The following STXBP5L variants were observed in gnomAD, a reference collection of about 807,000 sequenced individuals.
STXBP5L encodes syntaxin-binding protein 5-like.
In STXBP5L, 65 loss-of-function variants were observed where a neutral mutation model predicts 144.5. That is an observed-to-expected ratio of 0.45 (90% CI 0.37 to 0.55). The LOEUF is 0.55. Among genes scored for constraint, STXBP5L ranks in the 20% least tolerant of loss-of-function variants. The pLI, the probability that STXBP5L is intolerant of heterozygous loss-of-function variation, is 0.00. For missense variants in STXBP5L, 1,298 were observed against 1,405.5 expected, an observed-to-expected ratio of 0.92 and a Z score of 1.22; for synonymous variants, 505 against 469.6, an observed-to-expected ratio of 1.08 and a Z score of -0.97.
intron 4 of STXBP5L, 94 bp downstream of exon 4, chr3:121,041,875 CTTAA>C: frequency 3.7e-6 from 3 of 805,748 alleles, no homozygotes; most frequent in Non-Finnish European, 6.3e-6. Context: ...ATTCTAAATG[CTTAA>C]ATATATATGC....
chr3:121,153,333 T>A (rs780703109), intron 8 of STXBP5L, among the ~76,000 whole-genome samples: 4 of 152,060 alleles, frequency 2.6e-5, no homozygotes, highest in Non-Finnish European at 5.9e-5. Flanking sequence ...CTTTTGTACC[T>A]GTGGAAACAA....
chr3:121,347,819 C>G (rs1560002874), intron 20 of STXBP5L, among the ~76,000 whole-genome samples: 3 of 152,154 alleles, frequency 2.0e-5, no homozygotes, highest in Admixed American at 1.3e-4. Flanking sequence ...TATCCTGAGA[C>G]TTTGCTGAAG....
At chr3:121,306,961 A>G (rs760098395) in intron 19 of STXBP5L, among the ~76,000 whole-genome samples, 1 of 152,178 alleles carries the variant, frequency 6.6e-6, no homozygotes. Context: ...GCTGTATATG[A>G]TATTAACAGA....
chr3:121,351,411 C>T (rs907548922), intron 20 of STXBP5L, among the ~76,000 whole-genome samples: 5 of 152,096 alleles, frequency 3.3e-5, no homozygotes, highest in Admixed American at 6.6e-5. Flanking sequence ...GGGTTAGGGA[C>T]CCACTTGAGG....
intron 9 of STXBP5L, among the ~76,000 whole-genome samples, chr3:121,201,783 G>T (rs116545598): frequency 6.6e-6 from 1 of 152,038 alleles, no homozygotes; most frequent in Non-Finnish European, 1.5e-5. Context: ...AGCTTAGCTT[G>T]GCTGGATATG....
At chr3:121,084,536 C>A (rs1022609741) in intron 5 of STXBP5L, among the ~76,000 whole-genome samples, 1 of 152,174 alleles carries the variant, frequency 6.6e-6, no homozygotes, top group Non-Finnish European at 1.5e-5. Flanking sequence ...AGGACGTGAT[C>A]TCATTCCTTT....
At chr3:121,120,170 T>C (rs2044395050) in intron 6 of STXBP5L, among the ~76,000 whole-genome samples, 1 of 151,280 alleles carries the variant, frequency 6.6e-6, no homozygotes, top group Non-Finnish European at 1.5e-5. Flanking sequence ...TAACTTATCG[T>C]AAAGTACACT....
intron 3 of STXBP5L, among the ~76,000 whole-genome samples, chr3:121,009,502 C>T (rs930303876): frequency 2.0e-5 from 3 of 152,008 alleles, no homozygotes; most frequent in Non-Finnish European, 4.4e-5. Context: ...TTTAACACAA[C>T]CACATCTGAA....
At chr3:121,354,660 G>T (rs2045435199) in intron 20 of STXBP5L, among the ~76,000 whole-genome samples, 1 of 151,886 alleles carries the variant, frequency 6.6e-6, no homozygotes, top group Non-Finnish European at 1.5e-5. Context: ...TTGCCAGTCT[G>T]TGTCTTAATT....
At chr3:120,929,870 T>TA (rs1469209449) in intron 2 of STXBP5L, among the ~76,000 whole-genome samples, 1 of 152,062 alleles carries the variant, frequency 6.6e-6, no homozygotes. Flanking sequence ...CCAGTATACT[T>TA]ACTAGTCAGT....
chr3:121,215,078 T>C (rs1188717874), intron 10 of STXBP5L, among the ~76,000 whole-genome samples: 1 of 152,152 alleles, frequency 6.6e-6, no homozygotes. Context: ...CATCCTTTTA[T>C]TGTTAGCCTA....
chr3:121,235,780 A>C (rs1478954520), intron 12 of STXBP5L, among the ~76,000 whole-genome samples: 1 of 151,724 alleles, frequency 6.6e-6, no homozygotes, highest in Admixed American at 6.6e-5. Context: ...TACTATCTGC[A>C]ACATTTCAGA....
At chr3:120,993,670 T>C (rs1016925141) in intron 3 of STXBP5L, among the ~76,000 whole-genome samples, 2 of 152,142 alleles carry the variant, frequency 1.3e-5, no homozygotes, top group African/African-American at 4.8e-5. Flanking sequence ...ATGTCTGTTT[T>C]TATATCCATA....
intron 3 of STXBP5L, among the ~76,000 whole-genome samples, chr3:121,025,428 T>C (rs1945858555): frequency 6.6e-6 from 1 of 152,104 alleles, no homozygotes; most frequent in African/African-American, 2.4e-5. Context: ...AATATAAATA[T>C]TATAATGCAA....
chr3:120,919,210 G>A (rs951032296), intron 2 of STXBP5L, among the ~76,000 whole-genome samples: 4 of 152,036 alleles, frequency 2.6e-5, no homozygotes, highest in African/African-American at 9.7e-5. Flanking sequence ...GATAGGATGA[G>A]ATTCAGTTTT....
chr3:120,963,402 G>T (rs1415402485), intron 3 of STXBP5L, among the ~76,000 whole-genome samples: 1 of 152,136 alleles, frequency 6.6e-6, no homozygotes, highest in Non-Finnish European at 1.5e-5. Context: ...GTATGATATT[G>T]GCAGTATGTC....
chr3:120,909,337 GGAATACT>G (rs1478014209), intron 1 of STXBP5L: 5 of 415,064 alleles, frequency 1.2e-5, no homozygotes, highest in Non-Finnish European at 2.1e-5. Context: ...GTGTGAGGAG[GGAATACT>G]GTTGCTTTTG....
chr3:121,330,789 G>T (rs1353037307), intron 20 of STXBP5L, among the ~76,000 whole-genome samples: 1 of 152,114 alleles, frequency 6.6e-6, no homozygotes, highest in African/African-American at 2.4e-5. Flanking sequence ...GCATCACCCT[G>T]GCCAACGGAG....
chr3:121,347,052 C>T (rs150178150), intron 20 of STXBP5L, among the ~76,000 whole-genome samples: 1 of 152,108 alleles, frequency 6.6e-6, no homozygotes, highest in East Asian at 1.9e-4. Flanking sequence ...AATGGTATTG[C>T]CTAGGTTTTC....
Sources: allele counts gnomAD v4.1 joint callset (sites outside exome capture counted in the v4.1 genomes callset), GRCh38; gene constraint gnomAD v4.1.1; transcripts MANE v1.5; gene names NCBI Gene and HGNC (gene_info 2026-07-23, HGNC 2026-07-21).